The following SPATA13 variants were observed in gnomAD, a reference collection of about 807,000 sequenced individuals.
SPATA13 encodes the protein spermatogenesis-associated protein 13.
A neutral mutation model predicts 104.0 loss-of-function variants in SPATA13; 50 were observed. The observed-to-expected ratio is 0.48, with a 90% CI of 0.38 to 0.61. The LOEUF is 0.61. Ranked by LOEUF, SPATA13 falls within the 20% of genes least tolerant of loss-of-function variation. The probability of loss-of-function intolerance (pLI) is 0.00; values close to 1 mark genes in which losing one functional copy is unlikely to be tolerated. For missense variants in SPATA13, 1,524 were observed against 1,690.6 expected, an observed-to-expected ratio of 0.90 and a Z score of 1.73; for synonymous variants, 606 against 667.5, an observed-to-expected ratio of 0.91 and a Z score of 1.42.
intron 3 of SPATA13, among the ~76,000 whole-genome samples, chr13:24,066,589 A>C (rs1878971523): frequency 6.6e-6 from 1 of 152,164 alleles, no homozygotes; most frequent in African/African-American, 2.4e-5. Context: ...TGCCTCACCC[A>C]TGGAGGGGAC....
chr13:24,293,409 G>A (rs750947160), intron 9 of SPATA13, among the ~76,000 whole-genome samples: 2 of 152,132 alleles, frequency 1.3e-5, no homozygotes, highest in African/African-American at 2.4e-5. Context: ...CTTGAAAGAC[G>A]TGGGCAGGCA....
chr13:24,258,623 C>G (rs970088257), intron 4 of SPATA13, among the ~76,000 whole-genome samples: 12 of 151,402 alleles, frequency 7.9e-5, no homozygotes, highest in Non-Finnish European at 1.3e-4. Context: ...GGGCCAAGAT[C>G]GCACCACTGC....
rs1192867569 is a variant in SPATA13, at chr13:24,213,130, A to T, written c.-111-9689A>T. 2.0e-5 allele frequency among the ~76,000 whole-genome samples: 3 copies of T among 152,346 alleles called. No homozygotes were observed. The East Asian group carries it at 5.8e-4, about 29-fold the overall frequency. ...GAGGAGGAAGATGGTCAGGAGGCTG[A>T]AGTGACTGCTTGTATTAAGGAACAT... is the stretch of plus-strand genomic sequence containing the variant. On this transcript the variant is annotated intron_variant, in intron 1 of 12. Transcript: ENST00000382108.
At position 24,221,079 on chromosome 13, in the gene SPATA13, GC is replaced by G. The variant is rs768631325; in HGVS notation, c.-111-1737del. Among the ~76,000 whole-genome samples, 52 of 152,176 alleles carry G rather than the reference GC, an allele frequency of 3.4e-4. 1 individual carries two copies. The highest frequency in any genetic ancestry group is 1.9e-4 in the Non-Finnish European group (13 of 68,040). The stretch of plus-strand genomic sequence containing the variant: ...ATTTATTTACAGTCAGGGTCGTGAG[GC>G]CCAGGAATTGGAGTCAGATGCCTGG... On this transcript the variant is annotated intron_variant, in intron 1 of 12. Transcript: ENST00000382108.
At chr13:24,014,410 C>A (rs984058300) in intron 2 of SPATA13, among the ~76,000 whole-genome samples, 6 of 152,108 alleles carry the variant, frequency 3.9e-5, no homozygotes, top group African/African-American at 1.4e-4. Context: ...ACCTTTGACT[C>A]CCCCAAAACT....
intron 4 of SPATA13, chr13:24,270,686 C>G (rs1331486020): frequency 2.8e-6 from 4 of 1,452,296 alleles, no homozygotes. Flanking sequence ...AGCCAGCTGT[C>G]AGTTTCTGGG....
upstream of SPATA13, among the ~76,000 whole-genome samples, chr13:24,158,794 C>T (rs1023299085): frequency 1.3e-4 from 20 of 152,154 alleles, 1 homozygote; most frequent in African/African-American, 4.8e-4. Context: ...CCACTGTCAC[C>T]GGCTCACTGA....
At chr13:24,163,066 T>C (rs939044777) in intron 1 of SPATA13, among the ~76,000 whole-genome samples, 1 of 152,174 alleles carries the variant, frequency 6.6e-6, no homozygotes, top group Non-Finnish European at 1.5e-5. Flanking sequence ...CAGTCTACTT[T>C]CCCTCTTAGC....
chr13:24,085,611 C>T (rs1432070920), intron 3 of SPATA13, among the ~76,000 whole-genome samples: 1 of 152,214 alleles, frequency 6.6e-6, no homozygotes, highest in African/African-American at 2.4e-5. Context: ...CGTGCCTTCT[C>T]TGCATGTTGA....
intron 8 of SPATA13, among the ~76,000 whole-genome samples, chr13:24,289,613 C>T (rs1876192969): frequency 2.0e-5 from 3 of 152,040 alleles, no homozygotes; most frequent in Non-Finnish European, 2.9e-5. Flanking sequence ...GAAACTAAGG[C>T]CCAGAGAGTA....
At chr13:24,198,183 C>T (rs553434151) in intron 1 of SPATA13, among the ~76,000 whole-genome samples, 40 of 152,178 alleles carry the variant, frequency 2.6e-4, no homozygotes, top group East Asian at 5.8e-4. Flanking sequence ...TTAGTAGAGA[C>T]GGGGTTTCAC....
chr13:24,149,758 G>A (rs888182802), intron 3 of SPATA13, among the ~76,000 whole-genome samples: 6 of 152,216 alleles, frequency 3.9e-5, no homozygotes, highest in African/African-American at 9.6e-5. Flanking sequence ...CCTGCGGGGC[G>A]GATAGAGCTG....
chr13:24,244,526 T>C (rs911100918), intron 2 of SPATA13, among the ~76,000 whole-genome samples: 1 of 152,186 alleles, frequency 6.6e-6, no homozygotes, highest in Non-Finnish European at 1.5e-5. Flanking sequence ...TGAAATCTTA[T>C]AGGAAGAAAA....
intron 2 of SPATA13, among the ~76,000 whole-genome samples, chr13:24,015,078 A>G (rs866002744): frequency 5.9e-5 from 9 of 151,732 alleles, no homozygotes; most frequent in Middle Eastern, 3.4e-3. Flanking sequence ...TTTTTAGTAG[A>G]TAACAGGGTT....
At chr13:24,276,661 A>G (rs926491312) in intron 4 of SPATA13, among the ~76,000 whole-genome samples, 1 of 152,246 alleles carries the variant, frequency 6.6e-6, no homozygotes, top group African/African-American at 2.4e-5. Flanking sequence ...AAACAATAAA[A>G]TTTACTTTTT....
chr13:24,182,548 G>A (rs1032088216), intron 1 of SPATA13, among the ~76,000 whole-genome samples: 1 of 151,976 alleles, frequency 6.6e-6, no homozygotes, highest in African/African-American at 2.4e-5. Flanking sequence ...CAGCCAGCTC[G>A]AAGTGAACTT....
At chr13:24,182,694 G>A (rs1279887760) in intron 1 of SPATA13, among the ~76,000 whole-genome samples, 1 of 152,170 alleles carries the variant, frequency 6.6e-6, no homozygotes, top group Non-Finnish European at 1.5e-5. Flanking sequence ...ATTTGGAGAG[G>A]ACAAACATCT....
At chr13:24,063,159 G>A (rs1012367270) in intron 3 of SPATA13, among the ~76,000 whole-genome samples, 1 of 152,088 alleles carries the variant, frequency 6.6e-6, no homozygotes, top group Non-Finnish European at 1.5e-5. Flanking sequence ...CTGGCCCCAG[G>A]TCTGCCCCAC....
At chr13:24,249,019 G>A (rs943815280) in intron 2 of SPATA13, among the ~76,000 whole-genome samples, 9 of 151,946 alleles carry the variant, frequency 5.9e-5, no homozygotes, top group African/African-American at 1.5e-4. Flanking sequence ...ACAGACACGC[G>A]CCACCGCGCC....
Sources: gnomAD v4.1 joint callset for allele counts (sites outside exome capture counted in the v4.1 genomes callset) on GRCh38, gnomAD v4.1.1 for gene constraint, MANE v1.5 for transcripts, NCBI Gene and HGNC (gene_info 2026-07-23, HGNC 2026-07-21) for gene names.